Variants in C5 observed in about 807,000 individuals in gnomAD.
The protein encoded by C5 is C3 and PZP-like alpha-2-macroglobulin domain-containing protein 4.
In C5, 140 loss-of-function variants were observed where a neutral mutation model predicts 218.8. The observed-to-expected ratio is 0.64, with a 90% CI of 0.56 to 0.74. C5 has a LOEUF of 0.74. Among genes scored for constraint, C5 ranks in the 30% least tolerant of loss-of-function variants. The pLI is 0.00. For synonymous variants in C5, 614 were observed against 682.3 expected, an observed-to-expected ratio of 0.90 and a Z score of 1.56; for missense variants, 1,700 against 1,969.6, an observed-to-expected ratio of 0.86 and a Z score of 2.59.
intron 25 of C5, among the ~76,000 whole-genome samples, chr9:120,984,315 G>C (rs138203250): frequency 1.6e-4 from 24 of 151,954 alleles, no homozygotes; most frequent in Admixed American, 5.2e-4. Flanking sequence ...TGACTTTTAG[G>C]GGGTAAGAGT....
chr9:121,015,996 C>T (rs2047303872), intron 15 of C5, among the ~76,000 whole-genome samples: 1 of 152,166 alleles, frequency 6.6e-6, no homozygotes, highest in Non-Finnish European at 1.5e-5. Flanking sequence ...TTCTGTAGAG[C>T]TTAAACATAA....
At chr9:121,062,980 A>AT in the C5 span, among the ~76,000 whole-genome samples, 1 of 151,936 alleles carries the variant, frequency 6.6e-6, no homozygotes, top group African/African-American at 2.4e-5. Context: ...CTTGGAGTTC[A>AT]TTGAGTTTTC....
chr9:121,022,511 G>A (rs2047374946), intron 10 of C5, among the ~76,000 whole-genome samples: 1 of 148,704 alleles, frequency 6.7e-6, no homozygotes, highest in East Asian at 1.9e-4. Flanking sequence ...CTACAAGCAT[G>A]TCCAAACCTT....
Position 120,989,081 on chromosome 9 carries a change from A to G in C5, c.3195T>C (p.Ser1065=). The stretch of plus-strand genomic sequence containing the variant: ...CACTTCCACCCTTCCACACACTGTA[A>G]GAGTAGTCAGCATTTCTGTAGGACA... The part of the protein sequence containing the change: ...SIMSYRNADY[S]YSVWKGGSAS... The change falls in exon 25 of 41, where the codon TCT becomes TCC. Residue 1065 remains serine (S), a synonymous_variant. Transcript: ENST00000223642. The G allele has an allele frequency of 6.2e-7, 1 of 1,613,950 alleles. No individual in the cohort carries two copies. The highest frequency in any genetic ancestry group is 1.3e-5 in the African/African-American group (1 of 75,032).
intron 4 of C5, among the ~76,000 whole-genome samples, chr9:121,037,286 G>A (rs1289544585): frequency 2.0e-5 from 3 of 148,218 alleles, no homozygotes; most frequent in Non-Finnish European, 4.5e-5. Context: ...ATTGGTGGGT[G>A]GTTTTTTGTT....
chr9:120,957,184 C>T, intron 39 of C5, 101 bp downstream of exon 39: 1 of 835,986 alleles, frequency 1.2e-6, no homozygotes, highest in Admixed American at 1.7e-5. Flanking sequence ...AGAGCTCTGT[C>T]TTATTTGAGT....
At chr9:121,026,319 C>A (rs1323758938) in intron 8 of C5, among the ~76,000 whole-genome samples, 1 of 152,178 alleles carries the variant, frequency 6.6e-6, no homozygotes, top group Non-Finnish European at 1.5e-5. Context: ...GCGCCCTAAT[C>A]TCAGTTCCAG....
upstream of C5, among the ~76,000 whole-genome samples, chr9:121,052,425 C>T (rs1036034331): frequency 4.1e-5 from 6 of 145,972 alleles, no homozygotes; most frequent in Admixed American, 1.4e-4. Context: ...GCACTCCAGC[C>T]TGAGCAACAG....
intron 15 of C5, 129 bp from the exon 16 acceptor site, chr9:121,015,390 GC>G: frequency 1.5e-6 from 1 of 658,390 alleles, no homozygotes; most frequent in Non-Finnish European, 2.7e-6. Context: ...TTGAGGGGCT[GC>G]TTTGGATTAG....
At chr9:121,026,334 C>T (rs1236323575) in intron 8 of C5, among the ~76,000 whole-genome samples, 2 of 152,188 alleles carry the variant, frequency 1.3e-5, no homozygotes, top group Admixed American at 1.3e-4. Flanking sequence ...TTCCAGCAAT[C>T]ATTAGCCCTA....
chr9:121,017,311 C>T (rs368896492), intron 14 of C5, 51 bp downstream of exon 14: 27 of 1,607,210 alleles, frequency 1.7e-5, no homozygotes, highest in Non-Finnish European at 2.3e-5. Flanking sequence ...CATATCCTAG[C>T]CTGGTGGCCA....
intron 39 of C5, 145 bp from the exon 40 acceptor site, chr9:120,954,013 G>T: frequency 1.2e-6 from 1 of 806,328 alleles, no homozygotes; most frequent in Admixed American, 2.0e-5. Context: ...TAAGGCTTCA[G>T]TCTCTGGAGC....
chr9:121,061,127 G>A, the C5 span, among the ~76,000 whole-genome samples: 1 of 152,200 alleles, frequency 6.6e-6, no homozygotes, highest in African/African-American at 2.4e-5. Context: ...CATGGAGGTT[G>A]TAGTGAGCGG....
intron 17 of C5, among the ~76,000 whole-genome samples, chr9:121,010,050 G>A (rs774898455): frequency 2.0e-5 from 3 of 152,220 alleles, no homozygotes; most frequent in Non-Finnish European, 4.4e-5. Context: ...AGTGCTCTAG[G>A]GCCCTAGGTT....
chr9:120,997,276 G>C (rs2047124463), intron 21 of C5, among the ~76,000 whole-genome samples: 1 of 152,014 alleles, frequency 6.6e-6, no homozygotes. Context: ...CTGGGTATGG[G>C]AATTATTGAT....
At chr9:120,958,579 T>C (rs1021352535) in intron 38 of C5, among the ~76,000 whole-genome samples, 2 of 151,814 alleles carry the variant, frequency 1.3e-5, no homozygotes, top group Non-Finnish European at 2.9e-5. Context: ...TTTTTTTTTT[T>C]CCAAAATCAA....
rs537989434 is a variant in C5 at position 121,047,799 on chromosome 9, T to C, written c.66-1416A>G. Among the ~76,000 whole-genome samples the C allele has an allele frequency of 3.9e-5, 6 of 152,344 alleles. No individual in the cohort carries two copies. In the East Asian group the frequency reaches 1.2e-3, roughly 29 times the overall value. ...AATTTCCAGATTTCCAACCATCATC[T>C]GAATTCCCCTTCCCCACATGCCTAG... is the stretch of plus-strand genomic sequence containing the variant. On this transcript the variant is annotated intron_variant, in intron 1 of 40. Transcript: ENST00000223642.
intron 17 of C5, among the ~76,000 whole-genome samples, chr9:121,010,027 C>A (rs912511095): frequency 2.8e-4 from 43 of 152,222 alleles, no homozygotes; most frequent in Admixed American, 6.5e-5. Flanking sequence ...CAAGCCTCCC[C>A]ACCATGGGCT....
the C5 span, among the ~76,000 whole-genome samples, chr9:121,061,990 A>G: frequency 1.3e-5 from 2 of 152,256 alleles, no homozygotes; most frequent in Non-Finnish European, 2.9e-5. Flanking sequence ...TACACATAAT[A>G]GTTCCCTAAT....
Sources: gnomAD v4.1 joint callset for allele counts (sites outside exome capture counted in the v4.1 genomes callset) on GRCh38, gnomAD v4.1.1 for gene constraint, MANE v1.5 for transcripts, NCBI Gene and HGNC (gene_info 2026-07-23, HGNC 2026-07-21) for gene names.